ZNF578: variants seen among roughly 807,000 people sequenced by gnomAD.
ZNF578 encodes the protein zinc finger protein 578, also known as Putative chemokine-related protein B42.
ZNF578 carries 8 observed loss-of-function variants against 8.3 expected under a neutral mutation model. The ratio of observed to expected loss-of-function variants is 0.96; its 90% CI spans 0.56 to 1.74. The LOEUF (loss-of-function observed/expected upper bound fraction) is 1.74, where lower values mean the gene tolerates loss of function less well. Ranked by LOEUF, ZNF578 falls within the 40% of genes most tolerant of loss-of-function variation. The pLI, the probability that ZNF578 is intolerant of heterozygous loss-of-function variation, is 0.00. For synonymous variants in ZNF578, 206 were observed against 232.2 expected (o/e 0.89, Z 1.03); for missense variants, 726 against 707.5 (o/e 1.03, Z -0.30).
Position 52,515,833 on chromosome 19 carries a change from TAGA to T in ZNF578, c.*3680_*3682del, listed in dbSNP as rs1433736223. On this transcript the variant is annotated 3_prime_UTR_variant, in exon 6 of 6. Transcript: ENST00000421239. ...AGCAGAAGAATGGAAGAAATAGAGG[TAGA>T]CTCAGACACAGAGACCATCTTCAAG... Among the ~76,000 whole-genome samples, 28 of 151,080 alleles carry T rather than the reference TAGA, an allele frequency of 1.9e-4. No individual in the cohort carries two copies. Among genetic ancestry groups the T allele is most frequent in the African/African-American group, 6.8e-4 (28 of 41,068 alleles).
chr19:52,491,861 AAAAC>A (rs571100691), intron 3 of ZNF578, among the ~76,000 whole-genome samples: 76 of 152,268 alleles, frequency 5.0e-4, no homozygotes, highest in Non-Finnish European at 7.9e-4. Context: ...TAAAAACGGT[AAAAC>A]AAACAAAAAA....
At chr19:52,478,151 C>CACTAGCAGACAAACAAGTGCAT (rs1657727974) in intron 2 of ZNF578, among the ~76,000 whole-genome samples, 1 of 152,330 alleles carries the variant, frequency 6.6e-6, no homozygotes, top group East Asian at 1.9e-4. Flanking sequence ...GTCAGGTATA[C>CACTAGCAGACAAACAAGTGCAT]ACTAGCAGAC....
At chr19:52,507,685 G>A (rs779456550) in intron 5 of ZNF578, among the ~76,000 whole-genome samples, 2 of 152,182 alleles carry the variant, frequency 1.3e-5, no homozygotes, top group Non-Finnish European at 2.9e-5. Flanking sequence ...TAGCCCAGCC[G>A]TCTTCCTGCT....
At chr19:52,480,466 C>T (rs1173168883) in intron 2 of ZNF578, among the ~76,000 whole-genome samples, 1 of 152,048 alleles carries the variant, frequency 6.6e-6, no homozygotes, top group Non-Finnish European at 1.5e-5. Flanking sequence ...ATCCTTCTTC[C>T]AGCTGTAAAG....
At chr19:52,474,477 C>T (rs2059301905) in intron 2 of ZNF578, 2 of 307,292 alleles carry the variant, frequency 6.5e-6, no homozygotes, top group Admixed American at 8.8e-5. Flanking sequence ...ATTTGTAAGG[C>T]TTCTCTCCAG....
rs754045406 is a variant in ZNF578, at chr19:52,512,593, C to T, written c.*439C>T. 6.6e-6 allele frequency among the ~76,000 whole-genome samples: 1 copy of T among 151,826 alleles called. No homozygotes were observed. Among genetic ancestry groups the T allele is most frequent in the Non-Finnish European group, 1.5e-5 (1 of 67,974 alleles). On this transcript the variant is annotated 3_prime_UTR_variant, in exon 6 of 6. Coordinates refer to ENST00000421239, the MANE Select transcript of ZNF578 (RefSeq NM_001099694.2). ...GAGAATTCATGCAGGAGAGAAATGT[C>T]ACAAGTGTGATGAGTGTTGCAAAGC...
At chr19:52,462,929 G>T (rs2059263320) in intron 2 of ZNF578, among the ~76,000 whole-genome samples, 2 of 152,078 alleles carry the variant, frequency 1.3e-5, no homozygotes, top group Non-Finnish European at 2.9e-5. Flanking sequence ...CCACCACACA[G>T]GTTTTCCTTC....
At chr19:52,497,779 A>T (rs2059392083) in intron 3 of ZNF578, among the ~76,000 whole-genome samples, 1 of 152,164 alleles carries the variant, frequency 6.6e-6, no homozygotes, top group Non-Finnish European at 1.5e-5. Flanking sequence ...ATGAAAATTT[A>T]GTTAAAGTAG....
At chr19:52,496,551 G>C (rs1461449911) in intron 3 of ZNF578, among the ~76,000 whole-genome samples, 3 of 148,354 alleles carry the variant, frequency 2.0e-5, no homozygotes, top group Non-Finnish European at 4.5e-5. Context: ...GGATGGTCTC[G>C]ATCTCCTGAC....
At chr19:52,494,972 C>G (rs1369640855) in intron 3 of ZNF578, among the ~76,000 whole-genome samples, 1 of 151,954 alleles carries the variant, frequency 6.6e-6, no homozygotes, top group Non-Finnish European at 1.5e-5. Context: ...GCTGAGACCA[C>G]TGGTGTGAGA....
intron 3 of ZNF578, among the ~76,000 whole-genome samples, chr19:52,493,350 C>A (rs1199102851): frequency 6.6e-6 from 1 of 152,166 alleles, no homozygotes; most frequent in Non-Finnish European, 1.5e-5. Flanking sequence ...CCGTAGTCTT[C>A]CCTCTGCAGT....
chr19:52,510,048 A>G (rs909055235), intron 5 of ZNF578, among the ~76,000 whole-genome samples: 2 of 151,960 alleles, frequency 1.3e-5, no homozygotes, highest in Non-Finnish European at 2.9e-5. Flanking sequence ...CACCTGGCTA[A>G]TTTTTGTAAT....
chr19:52,477,114 A>T (rs552144596), intron 2 of ZNF578, among the ~76,000 whole-genome samples: 1 of 152,338 alleles, frequency 6.6e-6, no homozygotes, highest in Admixed American at 6.5e-5. Context: ...GACTACAGTG[A>T]TGCCTCACAA....
At chr19:52,506,462 C>CTTTTTTT (rs35676968) in intron 5 of ZNF578, among the ~76,000 whole-genome samples, 6 of 109,142 alleles carry the variant, frequency 5.5e-5, no homozygotes, top group African/African-American at 1.7e-4. Flanking sequence ...AGTACAGTTT[C>CTTTTTTT]TTTTTTTTTT....
chr19:52,503,176 C>T (rs1463014987), intron 4 of ZNF578, among the ~76,000 whole-genome samples: 1 of 152,176 alleles, frequency 6.6e-6, no homozygotes, highest in African/African-American at 2.4e-5. Flanking sequence ...AGGTGTGCAC[C>T]ACCATGTCTG....
intron 3 of ZNF578, among the ~76,000 whole-genome samples, chr19:52,496,423 G>A (rs1482028976): frequency 3.4e-5 from 5 of 147,778 alleles, no homozygotes; most frequent in African/African-American, 1.0e-4. Flanking sequence ...TCCGCCTCCC[G>A]GGTTCACGCC....
rs1231886548 is a variant in ZNF578 at position 52,487,179 on chromosome 19, A to AAAT, written c.-121-4133_-121-4131dup. On this transcript the variant is annotated intron_variant, in intron 2 of 5. Transcript: ENST00000421239. ...GAGAACACCATCTCTGCCAAAAAAA[A>AAAT]AATAATAATAATAAGTAAATAAACC... Among the ~76,000 whole-genome samples the AAAT allele has an allele frequency of 3.3e-5, 5 of 152,076 alleles. No individual in the cohort carries two copies. In the East Asian group the frequency reaches 5.8e-4, roughly 18 times the overall value.
chr19:52,464,447 CATTTCAAAATGATTTTT>C (rs1276451797), intron 2 of ZNF578, among the ~76,000 whole-genome samples: 1 of 152,080 alleles, frequency 6.6e-6, no homozygotes, highest in Non-Finnish European at 1.5e-5. Context: ...TTTTGAAAAT[CATTTCAAAATGATTTTT>C]ATTTCAAAAA....
At chr19:52,486,914 G>A (rs903399156) in intron 2 of ZNF578, among the ~76,000 whole-genome samples, 10 of 151,732 alleles carry the variant, frequency 6.6e-5, no homozygotes, top group East Asian at 1.9e-4. Context: ...AGGGATAAAC[G>A]GCAGAAGAGG....
Sources: gnomAD v4.1 joint callset for allele counts (sites outside exome capture counted in the v4.1 genomes callset) on GRCh38, gnomAD v4.1.1 for gene constraint, MANE v1.5 for transcripts, NCBI Gene and HGNC (gene_info 2026-07-23, HGNC 2026-07-21) for gene names.